The following HLCS variants were observed in gnomAD, a reference collection of about 807,000 sequenced individuals.
HLCS encodes biotin--protein ligase.
HLCS carries 53 observed loss-of-function variants against 75.0 expected under a neutral mutation model. The observed-to-expected ratio is 0.71, with a 90% CI of 0.57 to 0.89. The LOEUF (loss-of-function observed/expected upper bound fraction) is 0.89. Among genes scored for constraint, HLCS ranks in the 40% least tolerant of loss-of-function variants. The pLI is 0.00. For synonymous variants in HLCS, 431 were observed against 428.6 expected (o/e 1.01, Z -0.07); for missense variants, 966 against 1,074.0 (o/e 0.90, Z 1.41).
At chr21:36,773,663 GAC>G (rs1245799313) in intron 6 of HLCS, among the ~76,000 whole-genome samples, 1 of 152,208 alleles carries the variant, frequency 6.6e-6, no homozygotes, top group Non-Finnish European at 1.5e-5. Context: ...CTTACAGAGA[GAC>G]ACACACTCTC....
intron 6 of HLCS, among the ~76,000 whole-genome samples, chr21:36,841,957 A>T (rs926740577): frequency 6.6e-6 from 1 of 152,218 alleles, no homozygotes; most frequent in Non-Finnish European, 1.5e-5. Context: ...TGCATACCTC[A>T]CAACCCAGCA....
chr21:36,875,500 C>T (rs952848389), intron 6 of HLCS, among the ~76,000 whole-genome samples: 1 of 152,232 alleles, frequency 6.6e-6, no homozygotes, highest in African/African-American at 2.4e-5. Flanking sequence ...AGGAGCTACC[C>T]ACCATGGGTC....
At chr21:36,825,612 C>T (rs1421116766) in intron 6 of HLCS, among the ~76,000 whole-genome samples, 2 of 152,128 alleles carry the variant, frequency 1.3e-5, no homozygotes, top group South Asian at 2.1e-4. Context: ...CAACCTTGCT[C>T]GAGATTTATC....
intron 6 of HLCS, among the ~76,000 whole-genome samples, chr21:36,811,843 ACTGGCAGCGGGGG>A: frequency 6.6e-6 from 1 of 152,326 alleles, no homozygotes; most frequent in South Asian, 2.1e-4. Flanking sequence ...AGGGTGGAGG[ACTGGCAGCGGGGG>A]CTGCAGCGGC....
intron 6 of HLCS, among the ~76,000 whole-genome samples, chr21:36,869,102 ATTT>A (rs56112521): frequency 2.0e-5 from 2 of 99,926 alleles, no homozygotes; most frequent in Non-Finnish European, 4.9e-5. Flanking sequence ...TGTTTAATTT[ATTT>A]ATTTATTTAT....
At chr21:36,843,049 G>A (rs557893645) in intron 6 of HLCS, among the ~76,000 whole-genome samples, 2 of 152,330 alleles carry the variant, frequency 1.3e-5, no homozygotes, top group East Asian at 3.9e-4. Context: ...GGAATCTTCA[G>A]GTAAAAGACA....
chr21:36,933,271 A>G (rs367823054), intron 4 of HLCS, among the ~76,000 whole-genome samples: 1 of 152,118 alleles, frequency 6.6e-6, no homozygotes, highest in Non-Finnish European at 1.5e-5. Context: ...CTGTTTGTAG[A>G]CAGCCCTGGA....
chr21:36,890,052 T>A (rs1039075134), intron 6 of HLCS, among the ~76,000 whole-genome samples: 10 of 152,166 alleles, frequency 6.6e-5, no homozygotes, highest in Admixed American at 6.5e-4. Flanking sequence ...GATGGTTTTG[T>A]AAGTGTTTGG....
intron 6 of HLCS, among the ~76,000 whole-genome samples, chr21:36,891,792 GCT>G (rs1221165214): frequency 7.9e-5 from 12 of 152,172 alleles, no homozygotes; most frequent in Non-Finnish European, 1.8e-4. Context: ...TTAGAAAGGA[GCT>G]CTGTGTCAGC....
rs748846031 is a variant in HLCS, at chr21:36,937,306, G to A, written c.580C>T (p.Pro194Ser). Residue 194 changes from proline to serine, a missense_variant, in exon 4 of 11, where the codon CCT becomes TCT. Transcript: ENST00000674895. ...QAQILEPKPEPSLEIKPEQDG... is the reference protein window; with the variant it reads ...QAQILEPKPESSLEIKPEQDG... ...TGCTCAGGCTTAATCTCAAGAGAAGGTTCAGGCTTCGGCTCTAGGATCTGG... is the reference window on the plus strand; with the variant it reads ...TGCTCAGGCTTAATCTCAAGAGAAGATTCAGGCTTCGGCTCTAGGATCTGG... 5 of 1,614,008 alleles carry A rather than the reference G, an allele frequency of 3.1e-6. No individual in the cohort carries two copies. Among genetic ancestry groups the A allele is most frequent in the African/African-American group, 2.7e-5 (2 of 74,916 alleles).
At chr21:36,944,721 T>C (rs907269627) in intron 2 of HLCS, among the ~76,000 whole-genome samples, 2 of 152,312 alleles carry the variant, frequency 1.3e-5, no homozygotes, top group African/African-American at 2.4e-5. Flanking sequence ...CCTCCCTCCA[T>C]CATCATACTT....
chr21:36,816,732 G>A (rs1301509229), intron 6 of HLCS, among the ~76,000 whole-genome samples: 3 of 152,106 alleles, frequency 2.0e-5, no homozygotes, highest in Admixed American at 6.5e-5. Flanking sequence ...TATCGGAAAC[G>A]CTGACTTCAG....
chr21:36,930,401 T>C lies in HLCS; in HGVS notation c.1470A>G (p.Ile490Met), dbSNP rs763067452. Residue 490 changes from isoleucine to methionine, a missense_variant, in exon 5 of 11, where the codon ATA becomes ATG. Physicochemically the swap from Ile to Met is conservative, Grantham distance 10. Coordinates refer to ENST00000674895, the MANE Select transcript of HLCS (RefSeq NM_001352514.2). ...AGTTAAAATCTTCTGGAGTTTGCACTATGTTGGAGCTGGGAGGTAGTTCTA... is the reference window on the plus strand; with the variant it reads ...AGTTAAAATCTTCTGGAGTTTGCACCATGTTGGAGCTGGGAGGTAGTTCTA... ...VHLELPPSSN[I>M]VQTPEDFNLL... 1.2e-6 allele frequency: 2 copies of C among 1,614,194 alleles called. No homozygotes were observed. Among genetic ancestry groups the C allele is most frequent in the South Asian group, 1.1e-5 (1 of 91,082 alleles).
At chr21:36,955,931 C>T (rs1033328041) in intron 2 of HLCS, among the ~76,000 whole-genome samples, 1 of 152,154 alleles carries the variant, frequency 6.6e-6, no homozygotes, top group Non-Finnish European at 1.5e-5. Flanking sequence ...CCTACAGTAT[C>T]CAATGCAGTA....
rs760372711 is a variant in HLCS at position 36,756,630 on chromosome 21, C to CA, written c.2361_2362insT (p.Val788CysfsTer108). The CA allele has an allele frequency of 1.2e-6, 2 of 1,614,014 alleles. No individual in the cohort carries two copies. Among genetic ancestry groups the CA allele is most frequent in the Admixed American group, 3.3e-5 (2 of 60,002 alleles). The stretch of plus-strand genomic sequence containing the variant: ...TTGATCAGTTTCTCCAGCACAGTCA[C>CA]GACTCTGGCGATGAGATAATCGGCT... On this transcript the variant is annotated frameshift_variant, in exon 10 of 11. Transcript: ENST00000674895. LOFTEE classifies it high-confidence loss of function.
At chr21:36,985,350 C>T (rs1056332103) in intron 1 of HLCS, among the ~76,000 whole-genome samples, 1 of 152,204 alleles carries the variant, frequency 6.6e-6, no homozygotes. Context: ...AAGTCAGCCC[C>T]GGCTGGGCGC....
intron 5 of HLCS, among the ~76,000 whole-genome samples, chr21:36,925,876 A>T (rs56030686): frequency 0.048 from 7,249 of 152,342 alleles, 385 homozygotes; most frequent in African/African-American, 0.14. Flanking sequence ...TCGATAGAAA[A>T]TAAAATCTAT....
chr21:36,984,818 CAAAT>C (rs934261307), intron 1 of HLCS, among the ~76,000 whole-genome samples: 53 of 151,998 alleles, frequency 3.5e-4, no homozygotes, highest in African/African-American at 1.2e-3. Flanking sequence ...ATTAAATAAA[CAAAT>C]AAATCTTATG....
At chr21:36,783,899 G>A (rs1234935284) in intron 6 of HLCS, among the ~76,000 whole-genome samples, 5 of 152,110 alleles carry the variant, frequency 3.3e-5, no homozygotes, top group African/African-American at 1.2e-4. Flanking sequence ...GCTTCCAACA[G>A]TGAGCACACC....
Sources: gnomAD v4.1 joint callset for allele counts (sites outside exome capture counted in the v4.1 genomes callset) on GRCh38, gnomAD v4.1.1 for gene constraint, MANE v1.5 for transcripts, NCBI Gene and HGNC (gene_info 2026-07-23, HGNC 2026-07-21) for gene names.